NWD1: variants seen among roughly 807,000 people sequenced by gnomAD.
The protein encoded by NWD1 is NACHT domain- and WD repeat-containing protein 1.
In NWD1, 129 loss-of-function variants were observed where a neutral mutation model predicts 135.1. The ratio of observed to expected loss-of-function variants is 0.96; its 90% CI spans 0.83 to 1.11. The LOEUF (loss-of-function observed/expected upper bound fraction) is 1.11. NWD1 is among the 50% of genes least tolerant of loss of function. The pLI is 0.00. For synonymous variants in NWD1, 773 were observed against 786.0 expected, an observed-to-expected ratio of 0.98 and a Z score of 0.28; for missense variants, 1,740 against 1,851.3, an observed-to-expected ratio of 0.94 and a Z score of 1.10.
intron 3 of NWD1, among the ~76,000 whole-genome samples, chr19:16,736,145 C>T (rs1967799633): frequency 7.2e-6 from 1 of 139,148 alleles, no homozygotes; most frequent in African/African-American, 2.7e-5. Flanking sequence ...TTCTCAGTCA[C>T]CTTATTTCTC....
chr19:16,735,963 C>CAAA (rs534777742), intron 3 of NWD1, among the ~76,000 whole-genome samples: 52 of 120,668 alleles, frequency 4.3e-4, no homozygotes, highest in East Asian at 5.3e-4. Context: ...GACTCCAACT[C>CAAA]AAAAAAAAAA....
intron 6 of NWD1, among the ~76,000 whole-genome samples, chr19:16,758,907 G>A (rs901546544): frequency 6.7e-6 from 1 of 150,252 alleles, no homozygotes; most frequent in Non-Finnish European, 1.5e-5. Context: ...AGGAGACTGA[G>A]GCAGGAGAAT....
At chr19:16,792,435 G>C (rs944408412) in intron 14 of NWD1, among the ~76,000 whole-genome samples, 4 of 152,050 alleles carry the variant, frequency 2.6e-5, no homozygotes, top group African/African-American at 9.7e-5. Context: ...CCAGCACTTT[G>C]GGAGGCCGGG....
At chr19:16,743,400 G>T (rs190750414) in intron 4 of NWD1, among the ~76,000 whole-genome samples, 1 of 151,040 alleles carries the variant, frequency 6.6e-6, no homozygotes, top group East Asian at 2.0e-4. Context: ...ATAGATATGG[G>T]GTCTCACTAT....
intron 4 of NWD1, among the ~76,000 whole-genome samples, chr19:16,743,283 T>C (rs896222177): frequency 2.7e-4 from 41 of 151,576 alleles, no homozygotes; most frequent in Non-Finnish European, 5.9e-4. Context: ...CGATCACAGC[T>C]CACTGCAGCC....
chr19:16,769,841 T>C lies in NWD1; in HGVS notation c.2411-3285T>C, dbSNP rs572571126. 2.0e-5 allele frequency among the ~76,000 whole-genome samples: 3 copies of C among 152,292 alleles called. No individual in the cohort carries two copies. The East Asian group carries it at 5.8e-4, about 29-fold the overall frequency. ...TTTCCATCTGTCTTGGCTCTTTTTCTTTTTTCTTTTTTTAGAGACAAAGTC... is the reference window on the plus strand; with the variant it reads ...TTTCCATCTGTCTTGGCTCTTTTTCCTTTTTCTTTTTTTAGAGACAAAGTC... On this transcript the variant is annotated intron_variant, in intron 10 of 18. Transcript: ENST00000524140.
Position 16,793,998 on chromosome 19 carries a change from A to T in NWD1, c.3214-465A>T, listed in dbSNP as rs796370105. On this transcript the variant is annotated intron_variant, in intron 14 of 18. Coordinates refer to ENST00000524140, the MANE Select transcript of NWD1 (RefSeq NM_001007525.5). Reference sequence around the variant, plus strand: ...CCTCCAACTCCTAGGGGCACAAGTGATCCTCCTGCTTGAGCCTCCTGAGTA... The same window carrying T: ...CCTCCAACTCCTAGGGGCACAAGTGTTCCTCCTGCTTGAGCCTCCTGAGTA... Among the ~76,000 whole-genome samples the T allele has an allele frequency of 2.0e-4, 30 of 152,244 alleles. 1 individual carries two copies. The highest frequency in any genetic ancestry group is 7.2e-4 in the African/African-American group (30 of 41,562).
At position 16,731,315 on chromosome 19, in the gene NWD1, A is replaced by AT. The variant is rs541147031; in HGVS notation, c.81+46dup. Reference sequence around the variant, plus strand: ...TCACTCCGGGCTCCATGCTTTTTTTATTTTTTTTTGACACGTAGTTCTTGC... The same window carrying AT: ...TCACTCCGGGCTCCATGCTTTTTTTATTTTTTTTTTGACACGTAGTTCTTGC... On this transcript the variant is annotated intron_variant, in intron 3 of 18. Transcript: ENST00000524140. 1,130 of 1,279,622 alleles carry AT rather than the reference A, an allele frequency of 8.8e-4. 2 individuals are homozygous for AT. The highest frequency in any genetic ancestry group is 9.9e-4 in the Non-Finnish European group (918 of 923,580). 79.3% of individuals were successfully genotyped at this position (1,279,622 alleles called of 1,614,324 possible).
chr19:16,745,217 T>C, intron 5 of NWD1: 1 of 374,654 alleles, frequency 2.7e-6, no homozygotes, highest in South Asian at 1.9e-5. Flanking sequence ...TGAGACTTAT[T>C]CACTACCACG....
intron 5 of NWD1, among the ~76,000 whole-genome samples, chr19:16,747,014 G>A (rs540982217): frequency 6.6e-6 from 1 of 150,830 alleles, no homozygotes; most frequent in African/African-American, 2.4e-5. Context: ...CCTCTGTCTA[G>A]TTCCAAGATA....
intron 4 of NWD1, among the ~76,000 whole-genome samples, chr19:16,740,686 C>A (rs1207763591): frequency 2.0e-5 from 3 of 148,400 alleles, no homozygotes; most frequent in Non-Finnish European, 4.4e-5. Context: ...GCTCCGTTAC[C>A]CAGGCTAACT....
chr19:16,803,398 TG>T (rs944466210), intron 17 of NWD1, among the ~76,000 whole-genome samples: 3 of 151,698 alleles, frequency 2.0e-5, no homozygotes, highest in East Asian at 3.9e-4. Flanking sequence ...AGGAATTTGG[TG>T]GGGGGGTGGG....
intron 10 of NWD1, among the ~76,000 whole-genome samples, chr19:16,772,264 C>T (rs150585037): frequency 6.8e-4 from 104 of 152,310 alleles, no homozygotes; most frequent in Non-Finnish European, 1.4e-3. Context: ...AATATAGAGG[C>T]TGTGGCCGGA....
chr19:16,735,101 G>A (rs1967737370), intron 3 of NWD1, among the ~76,000 whole-genome samples: 1 of 152,018 alleles, frequency 6.6e-6, no homozygotes, highest in Non-Finnish European at 1.5e-5. Context: ...TGGAATTTAG[G>A]CTTACAGGAA....
intron 2 of NWD1, among the ~76,000 whole-genome samples, chr19:16,728,669 G>A (rs868091395): frequency 5.3e-5 from 8 of 151,924 alleles, no homozygotes; most frequent in Non-Finnish European, 8.8e-5. Context: ...TGCAGGCCGG[G>A]TGCAGTGGCT....
chr19:16,800,093 A>C lies in NWD1; in HGVS notation c.3667A>C (p.Asn1223His), dbSNP rs747476193. 3.7e-6 allele frequency: 6 copies of C among 1,613,992 alleles called. No homozygotes were observed. Among genetic ancestry groups the C allele is most frequent in the Non-Finnish European group, 5.1e-6 (6 of 1,179,990 alleles). Residue 1223 changes from asparagine to histidine, a missense_variant, in exon 17 of 19, where the codon AAT (asparagine) becomes CAT (histidine). Coordinates refer to ENST00000524140, the MANE Select transcript of NWD1 (RefSeq NM_001007525.5). ...CACCGGCCTCACCGCAGTGTCCCAC[A>C]ATGGAAGCTACGTCTACTTCCCCAA... is the stretch of plus-strand genomic sequence containing the variant. ...DRTGLTAVSH[N>H]GSYVYFPKIG...
chr19:16,756,866 T>C (rs1968819821), intron 6 of NWD1, among the ~76,000 whole-genome samples: 1 of 152,148 alleles, frequency 6.6e-6, no homozygotes, highest in Non-Finnish European at 1.5e-5. Context: ...GCTCCCCCTC[T>C]TGTCAGGTCA....
At chr19:16,803,755 TAAAA>T (rs756016333) in intron 17 of NWD1, among the ~76,000 whole-genome samples, 2 of 128,456 alleles carry the variant, frequency 1.6e-5, no homozygotes, top group African/African-American at 2.9e-5. Context: ...CAACTCTACT[TAAAA>T]AAAAAAAAAA....
chr19:16,747,326 C>T (rs897562063), intron 5 of NWD1, among the ~76,000 whole-genome samples: 7 of 150,032 alleles, frequency 4.7e-5, no homozygotes, highest in African/African-American at 1.5e-4. Context: ...TGAGCACCCG[C>T]GCCTGGCTGA....
Sources: gnomAD v4.1 joint callset for allele counts (sites outside exome capture counted in the v4.1 genomes callset) on GRCh38, gnomAD v4.1.1 for gene constraint, MANE v1.5 for transcripts, NCBI Gene and HGNC (gene_info 2026-07-23, HGNC 2026-07-21) for gene names.